The following GBE1 variants were observed in gnomAD, a reference collection of about 807,000 sequenced individuals.
GBE1 encodes the protein 1,4-alpha-glucan-branching enzyme.
Under a neutral mutation model 88.8 loss-of-function variants are expected in GBE1, and 70 were observed. That is an observed-to-expected ratio of 0.79 (90% CI 0.65 to 0.96). GBE1 has a LOEUF of 0.96. GBE1 is among the 40% of genes least tolerant of loss of function. The probability of loss-of-function intolerance (pLI) is 0.00; values close to 1 mark genes in which losing one functional copy is unlikely to be tolerated. For synonymous variants in GBE1, 284 were observed against 300.1 expected (o/e 0.95, Z 0.56); for missense variants, 872 against 871.0 (o/e 1.00, Z -0.01).
chr3:81,693,408 A>G (rs1438005030), intron 2 of GBE1, among the ~76,000 whole-genome samples: 1 of 152,170 alleles, frequency 6.6e-6, no homozygotes, highest in Non-Finnish European at 1.5e-5. Context: ...CTATTTTTAT[A>G]CCAAAAAAAT....
intron 14 of GBE1, among the ~76,000 whole-genome samples, chr3:81,521,954 A>G (rs1408438290): frequency 2.6e-5 from 4 of 151,536 alleles, no homozygotes; most frequent in Admixed American, 2.0e-4. Context: ...CATGAATAAG[A>G]GAGCAGCATC....
intron 3 of GBE1, among the ~76,000 whole-genome samples, chr3:81,662,593 A>AT (rs1705046483): frequency 6.6e-6 from 1 of 151,296 alleles, no homozygotes; most frequent in Non-Finnish European, 1.5e-5. Context: ...ACCCATCAAT[A>AT]TTTTTTAAAT....
chr3:81,760,566 T>G (rs925487308), intron 1 of GBE1, among the ~76,000 whole-genome samples: 12 of 152,248 alleles, frequency 7.9e-5, no homozygotes, highest in African/African-American at 2.7e-4. Flanking sequence ...ACTTGTATAA[T>G]AGCTCTTTTA....
intron 12 of GBE1, among the ~76,000 whole-genome samples, chr3:81,558,979 C>A (rs1012871354): frequency 2.6e-5 from 4 of 151,928 alleles, no homozygotes; most frequent in Admixed American, 2.0e-4. Context: ...TAGTTGGGGG[C>A]AGCATATACT....
intron 14 of GBE1, among the ~76,000 whole-genome samples, chr3:81,532,233 T>C (rs971282350): frequency 6.6e-6 from 1 of 151,930 alleles, no homozygotes; most frequent in Admixed American, 6.6e-5. Context: ...CTTTCTTGTG[T>C]GGATAATTGT....
chr3:81,625,128 G>A (rs1704394771), intron 7 of GBE1, among the ~76,000 whole-genome samples: 1 of 151,678 alleles, frequency 6.6e-6, no homozygotes, highest in African/African-American at 2.4e-5. Context: ...AAGGAGGGAT[G>A]TGTGGTGTGG....
intron 2 of GBE1, among the ~76,000 whole-genome samples, chr3:81,700,196 G>A (rs896856582): frequency 5.3e-5 from 8 of 152,140 alleles, no homozygotes; most frequent in African/African-American, 1.9e-4. Flanking sequence ...AAAATGTCAT[G>A]CCACAGTGAA....
chr3:81,630,712 G>A (rs974950705), intron 7 of GBE1, among the ~76,000 whole-genome samples: 4 of 152,020 alleles, frequency 2.6e-5, no homozygotes, highest in Non-Finnish European at 5.9e-5. Flanking sequence ...TTTCCAAAAC[G>A]TAATACCTCT....
At chr3:81,721,973 A>G (rs1007575070) in intron 1 of GBE1, among the ~76,000 whole-genome samples, 1 of 152,210 alleles carries the variant, frequency 6.6e-6, no homozygotes, top group African/African-American at 2.4e-5. Context: ...TACTAAGGGC[A>G]CTCAGCAAGT....
intron 2 of GBE1, among the ~76,000 whole-genome samples, chr3:81,701,643 T>C (rs1705688930): frequency 6.6e-6 from 1 of 152,046 alleles, no homozygotes; most frequent in South Asian, 2.1e-4. Context: ...ATCACATTTA[T>C]CCCCAACAAG....
chr3:81,739,375 C>A (rs183563463), intron 1 of GBE1, among the ~76,000 whole-genome samples: 6 of 152,264 alleles, frequency 3.9e-5, no homozygotes, highest in Admixed American at 2.6e-4. Flanking sequence ...AAACTTCTAA[C>A]TGTGTGATAT....
At chr3:81,577,260 A>G (rs1282013418) in intron 12 of GBE1, among the ~76,000 whole-genome samples, 1 of 152,104 alleles carries the variant, frequency 6.6e-6, no homozygotes, top group Non-Finnish European at 1.5e-5. Context: ...ATTGTAGAAA[A>G]ATAAAACAGC....
chr3:81,737,827 G>C (rs1268816759), intron 1 of GBE1, among the ~76,000 whole-genome samples: 1 of 152,050 alleles, frequency 6.6e-6, no homozygotes, highest in African/African-American at 2.4e-5. Flanking sequence ...ATGTATACAT[G>C]TGACATGCTG....
chr3:81,509,298 T>A (rs1702693277), intron 14 of GBE1, among the ~76,000 whole-genome samples: 2 of 150,520 alleles, frequency 1.3e-5, no homozygotes, highest in East Asian at 1.9e-4. Context: ...GTTTGTCTTT[T>A]TTTTTTTTTT....
intron 12 of GBE1, among the ~76,000 whole-genome samples, chr3:81,563,838 A>G (rs931219432): frequency 2.1e-5 from 3 of 144,836 alleles, no homozygotes; most frequent in Non-Finnish European, 4.5e-5. Flanking sequence ...GTTTAGATAT[A>G]TAAGTAACCT....
intron 1 of GBE1, among the ~76,000 whole-genome samples, chr3:81,734,776 C>T (rs534792636): frequency 2.0e-5 from 3 of 152,214 alleles, no homozygotes; most frequent in East Asian, 1.9e-4. Flanking sequence ...AAAAAAGATG[C>T]CGTATCAGTT....
intron 2 of GBE1, among the ~76,000 whole-genome samples, chr3:81,699,699 T>C (rs954150445): frequency 6.6e-6 from 1 of 152,154 alleles, no homozygotes; most frequent in Non-Finnish European, 1.5e-5. Flanking sequence ...CTGCTTTATA[T>C]TCACTGGCAG....
chr3:81,648,465 A>G (rs1704798889), intron 5 of GBE1, among the ~76,000 whole-genome samples: 1 of 152,120 alleles, frequency 6.6e-6, no homozygotes, highest in African/African-American at 2.4e-5. Flanking sequence ...ATACAAAATG[A>G]GTTCCGGTCA....
intron 2 of GBE1, among the ~76,000 whole-genome samples, chr3:81,692,554 A>C (rs1476273336): frequency 1.3e-5 from 2 of 152,180 alleles, no homozygotes; most frequent in African/African-American, 4.8e-5. Context: ...TTGGTTTGTT[A>C]AGTTTGGTAA....
Sources: gnomAD v4.1 joint callset for allele counts (sites outside exome capture counted in the v4.1 genomes callset) on GRCh38, gnomAD v4.1.1 for gene constraint, MANE v1.5 for transcripts, NCBI Gene and HGNC (gene_info 2026-07-23, HGNC 2026-07-21) for gene names.